The following GAN variants were observed in gnomAD, a reference collection of about 807,000 sequenced individuals.
GAN encodes the protein gigaxonin.
GAN carries 48 observed loss-of-function variants against 71.3 expected under a neutral mutation model. The observed-to-expected ratio is 0.67, with a 90% CI of 0.53 to 0.86. GAN has a LOEUF of 0.86. Ranked by LOEUF, GAN falls within the 40% of genes least tolerant of loss-of-function variation. The pLI, the probability that GAN is intolerant of heterozygous loss-of-function variation, is 0.00. For missense variants in GAN, 928 were observed against 770.1 expected (o/e 1.21, Z -2.43); for synonymous variants, 386 against 276.8 (o/e 1.39, Z -3.92).
intron 8 of GAN, 46 bp from the exon 9 acceptor site, chr16:81,365,304 C>T (rs780023453): frequency 7.4e-6 from 12 of 1,612,876 alleles, no homozygotes; most frequent in East Asian, 2.2e-5. Context: ...AGTGAGATCT[C>T]GCATTGTACA....
chr16:81,366,909 C>T (rs545168450), intron 9 of GAN, among the ~76,000 whole-genome samples: 1 of 152,242 alleles, frequency 6.6e-6, no homozygotes, highest in South Asian at 2.1e-4. Flanking sequence ...ACTGCACCAT[C>T]TGCCTCCCGG....
intron 1 of GAN, among the ~76,000 whole-genome samples, chr16:81,317,090 C>T (rs1304353014): frequency 2.0e-5 from 3 of 152,234 alleles, no homozygotes; most frequent in Non-Finnish European, 4.4e-5. Context: ...AACTCCTCAC[C>T]TCGTGATCCG....
chr16:81,345,636 T>G (rs1380670440), intron 1 of GAN, among the ~76,000 whole-genome samples: 1 of 152,112 alleles, frequency 6.6e-6, no homozygotes. Context: ...AGGAGAAATA[T>G]CTGATGTAGG....
chr16:81,353,291 C>CA (rs11464814), intron 2 of GAN, among the ~76,000 whole-genome samples: 111,469 of 132,614 alleles, frequency 0.84, 46,443 homozygotes, highest in Middle Eastern at 0.89. Flanking sequence ...GACTCCGTCT[C>CA]AAAAAAAAAA....
Position 81,380,880 on chromosome 16 carries a change from G to C in GAN, c.*3284G>C, listed in dbSNP as rs986372923. On this transcript the variant is annotated 3_prime_UTR_variant, in exon 11 of 11. Coordinates refer to ENST00000648994, the MANE Select transcript of GAN (RefSeq NM_022041.4). ...ATTTCTGAATGCATTGTTTAGCTTA[G>C]TACTTCATTGCTGTAAGGAATTGAT... 2.0e-5 allele frequency: 3 copies of C among 152,168 alleles called. No homozygotes were observed. Among genetic ancestry groups the C allele is most frequent in the African/African-American group, 7.2e-5 (3 of 41,438 alleles). 9.4% of individuals were successfully genotyped at this position (152,168 alleles called of 1,614,324 possible). A position where few individuals can be genotyped will look rare whatever the true frequency, so the allele number is the denominator to read the frequency against.
intron 1 of GAN, among the ~76,000 whole-genome samples, chr16:81,351,072 G>A (rs975932165): frequency 3.3e-5 from 5 of 152,128 alleles, no homozygotes; most frequent in Non-Finnish European, 5.9e-5. Flanking sequence ...TATATTTCAC[G>A]GATGCAGTAA....
At position 81,378,645 on chromosome 16, in the gene GAN, A is replaced by T. The variant is rs1165228782; in HGVS notation, c.*1049A>T. 6.6e-6 allele frequency: 1 copy of T among 152,670 alleles called. No homozygotes were observed. The highest frequency in any genetic ancestry group is 6.5e-5 in the Admixed American group (1 of 15,280). The allele number at this position is 152,670 out of a possible 1,614,324, so 9.5% of individuals were successfully genotyped here. A position where few individuals can be genotyped will look rare whatever the true frequency, so the allele number is the denominator to read the frequency against. ...GAATGCGAATCTGTGTTAAGAATCT[A>T]GTCTTTGTAATAGAAGTTTCCCAGT... is the stretch of plus-strand genomic sequence containing the variant. On this transcript the variant is annotated 3_prime_UTR_variant, in exon 11 of 11. Coordinates refer to ENST00000648994, the MANE Select transcript of GAN (RefSeq NM_022041.4).
At chr16:81,368,845 A>C (rs1910946930) in intron 9 of GAN, among the ~76,000 whole-genome samples, 1 of 152,240 alleles carries the variant, frequency 6.6e-6, no homozygotes, top group Non-Finnish European at 1.5e-5. Context: ...AGCCAGGCAT[A>C]GTGGCACATA....
chr16:81,370,675 A>G (rs1911009985), intron 9 of GAN, among the ~76,000 whole-genome samples: 1 of 152,260 alleles, frequency 6.6e-6, no homozygotes, highest in South Asian at 2.1e-4. Flanking sequence ...GAGGAGTGAG[A>G]GGAAGGCAGC....
chr16:81,349,539 G>C (rs1910230760), intron 1 of GAN, among the ~76,000 whole-genome samples: 1 of 152,132 alleles, frequency 6.6e-6, no homozygotes, highest in African/African-American at 2.4e-5. Flanking sequence ...GGCTACTTGG[G>C]GGGCTGAGGC....
rs925696770 is a variant in GAN at position 81,387,172 on chromosome 16, A to G, written c.*9576A>G. On this transcript the variant is annotated 3_prime_UTR_variant, in exon 11 of 11. Transcript: ENST00000648994. ...AGATGTGTTGGGTGTTAGATCTGCA[A>G]TACTCTTCATAGTGTAATGGCTAAA... is the stretch of plus-strand genomic sequence containing the variant. 21 of 152,204 alleles carry G rather than the reference A, an allele frequency of 1.4e-4. No individual in the cohort carries two copies. The highest frequency in any genetic ancestry group is 3.6e-4 in the African/African-American group (15 of 41,452). 9.4% of individuals were successfully genotyped at this position (152,204 alleles called of 1,614,324 possible). A position where few individuals can be genotyped will look rare whatever the true frequency, so the allele number is the denominator to read the frequency against.
At chr16:81,321,283 G>A (rs1239332585) in intron 1 of GAN, among the ~76,000 whole-genome samples, 1 of 152,136 alleles carries the variant, frequency 6.6e-6, no homozygotes, top group Non-Finnish European at 1.5e-5. Context: ...GAACTTTCCC[G>A]AGGATTGTTA....
chr16:81,362,443 G>A (rs1053801700), intron 5 of GAN, 56 bp from the exon 6 acceptor site: 76 of 861,212 alleles, frequency 8.8e-5, no homozygotes, highest in African/African-American at 4.1e-4. Flanking sequence ...ATGCTGTGGC[G>A]TTTATGGGTG....
chr16:81,379,128 C>G lies in GAN; in HGVS notation c.*1532C>G, dbSNP rs1028348363. 1 of 151,634 alleles carries G rather than the reference C, an allele frequency of 6.6e-6. No homozygotes were observed. The highest frequency in any genetic ancestry group is 1.5e-5 in the Non-Finnish European group (1 of 67,972). 9.4% of individuals were successfully genotyped at this position (151,634 alleles called of 1,614,324 possible). A position where few individuals can be genotyped will look rare whatever the true frequency, so the allele number is the denominator to read the frequency against. ...ATAAAGGTATCCTTTGGTTTTAAGT[C>G]GAGAACAGGAATTTCTTCTAGAAAC... is the stretch of plus-strand genomic sequence containing the variant. On this transcript the variant is annotated 3_prime_UTR_variant, in exon 11 of 11. Coordinates refer to ENST00000648994, the MANE Select transcript of GAN (RefSeq NM_022041.4).
chr16:81,331,933 C>T (rs576037432), intron 1 of GAN, among the ~76,000 whole-genome samples: 86 of 152,154 alleles, frequency 5.7e-4, no homozygotes, highest in Non-Finnish European at 9.7e-4. Context: ...GAGGTCAAGG[C>T]GGGCGGATCA....
Position 81,378,789 on chromosome 16 carries a change from C to T in GAN, c.*1193C>T, listed in dbSNP as rs911437880. The T allele has an allele frequency of 6.6e-6, 1 of 152,538 alleles. No homozygotes were observed. Among genetic ancestry groups the T allele is most frequent in the Non-Finnish European group, 1.5e-5 (1 of 68,028 alleles). The allele number at this position is 152,538 out of a possible 1,614,324, so 9.4% of individuals were successfully genotyped here. On this transcript the variant is annotated 3_prime_UTR_variant, in exon 11 of 11. Transcript: ENST00000648994. Reference sequence around the variant, plus strand: ...AGTAGAGCAAATTAATCTTTTCCTCCTTCCCTCCTTTCCTATCTCTCATTC... The same window carrying T: ...AGTAGAGCAAATTAATCTTTTCCTCTTTCCCTCCTTTCCTATCTCTCATTC...
At position 81,380,007 on chromosome 16, in the gene GAN, C is replaced by G. The variant is rs907691171; in HGVS notation, c.*2411C>G. The G allele has an allele frequency of 6.6e-6, 1 of 152,140 alleles. No homozygotes were observed. The highest frequency in any genetic ancestry group is 2.4e-5 in the African/African-American group (1 of 41,268). 9.4% of individuals were successfully genotyped at this position (152,140 alleles called of 1,614,324 possible). A position where few individuals can be genotyped will look rare whatever the true frequency, so the allele number is the denominator to read the frequency against. ...TAAATTTGCCACATAATATGGGATGCAATAACCAACAAAGCTGCTAAGTGC... is the reference window on the plus strand; with the variant it reads ...TAAATTTGCCACATAATATGGGATGGAATAACCAACAAAGCTGCTAAGTGC... On this transcript the variant is annotated 3_prime_UTR_variant, in exon 11 of 11. Transcript: ENST00000648994.
intron 1 of GAN, among the ~76,000 whole-genome samples, chr16:81,318,337 G>C (rs892003603): frequency 2.0e-5 from 3 of 152,154 alleles, no homozygotes; most frequent in Non-Finnish European, 4.4e-5. Context: ...GTTGGTAACT[G>C]TCATAAGTGG....
At chr16:81,367,294 G>A (rs1266639921) in intron 9 of GAN, among the ~76,000 whole-genome samples, 1 of 152,090 alleles carries the variant, frequency 6.6e-6, no homozygotes, top group African/African-American at 2.4e-5. Context: ...AGGCCGACGC[G>A]GGCAGATCAC....
Sources: allele counts gnomAD v4.1 joint callset (sites outside exome capture counted in the v4.1 genomes callset), GRCh38; gene constraint gnomAD v4.1.1; transcripts MANE v1.5; gene names NCBI Gene and HGNC (gene_info 2026-07-23, HGNC 2026-07-21).